Variants in FHIT observed in about 807,000 individuals in gnomAD.
FHIT encodes fragile histidine triad diadenosine triphosphatase, also known as bis(5'-adenosyl)-triphosphatase.
In FHIT, 19 loss-of-function variants were observed where a neutral mutation model predicts 17.9. That is an observed-to-expected ratio of 1.06 (90% CI 0.74 to 1.56). FHIT has a LOEUF of 1.56. Among genes scored for constraint, FHIT ranks in the 40% most tolerant of loss-of-function variants. The pLI, the probability that FHIT is intolerant of heterozygous loss-of-function variation, is 0.00. For synonymous variants in FHIT, 81 were observed against 69.7 expected (o/e 1.16, Z -0.81); for missense variants, 248 against 189.2 (o/e 1.31, Z -1.82).
intron 5 of FHIT, among the ~76,000 whole-genome samples, chr3:60,143,078 GT>G (rs1341106439): frequency 2.0e-5 from 3 of 152,104 alleles, no homozygotes; most frequent in African/African-American, 7.2e-5. Context: ...TTCAATATTC[GT>G]GAGATTAAAA....
In FHIT at chr3:60,172,855, A is replaced by C. The variant is rs1402108712; in HGVS notation, c.104-158703T>G. On this transcript the variant is annotated intron_variant, in intron 5 of 9. Coordinates refer to ENST00000492590, the MANE Select transcript of FHIT (RefSeq NM_002012.4). Reference sequence around the variant, plus strand: ...TCCAATTTACTCCATTAAAGAAACAAAACTGGATATATTCAACACATTTTC... The same window carrying C: ...TCCAATTTACTCCATTAAAGAAACACAACTGGATATATTCAACACATTTTC... 2.6e-5 allele frequency among the ~76,000 whole-genome samples: 4 copies of C among 152,140 alleles called. 1 individual carries two copies. Among genetic ancestry groups the C allele is most frequent in the Non-Finnish European group, 4.4e-5 (3 of 68,030 alleles).
chr3:60,052,350 C>A (rs1701914888), intron 5 of FHIT, among the ~76,000 whole-genome samples: 1 of 152,096 alleles, frequency 6.6e-6, no homozygotes, highest in Non-Finnish European at 1.5e-5. Flanking sequence ...TCCCTAGCCA[C>A]CAACACAGGT....
chr3:59,811,714 T>C (rs1249055017), intron 8 of FHIT, among the ~76,000 whole-genome samples: 2 of 152,192 alleles, frequency 1.3e-5, no homozygotes, highest in African/African-American at 2.4e-5. Flanking sequence ...AAACAGTCAC[T>C]GCTGCAGAGA....
chr3:59,874,800 T>C (rs944343580), intron 8 of FHIT, among the ~76,000 whole-genome samples: 12 of 152,156 alleles, frequency 7.9e-5, no homozygotes, highest in Admixed American at 2.6e-4. Flanking sequence ...TGTTTTCCCC[T>C]TTAGAGCCAC....
intron 5 of FHIT, among the ~76,000 whole-genome samples, chr3:60,371,028 C>A (rs1229230366): frequency 6.6e-6 from 1 of 152,214 alleles, no homozygotes; most frequent in East Asian, 1.9e-4. Flanking sequence ...AGAACCTAAG[C>A]CGTTTGCACA....
intron 5 of FHIT, among the ~76,000 whole-genome samples, chr3:60,100,416 A>G (rs2361336): frequency 0.68 from 102,869 of 151,978 alleles, 35,253 homozygotes; most frequent in East Asian, 0.98. Flanking sequence ...TGAAACCATT[A>G]AATTCTTCAC....
chr3:59,959,118 C>G (rs1054408000), intron 7 of FHIT, among the ~76,000 whole-genome samples: 2 of 152,168 alleles, frequency 1.3e-5, no homozygotes, highest in Non-Finnish European at 2.9e-5. Flanking sequence ...CCTCCTTGCA[C>G]GTATAATGAC....
At chr3:61,244,307 A>G (rs191193789) in intron 1 of FHIT, among the ~76,000 whole-genome samples, 170 of 152,332 alleles carry the variant, frequency 1.1e-3, no homozygotes, top group Non-Finnish European at 1.9e-3. Context: ...AGCAATCCAA[A>G]CAAATTAAAA....
At chr3:59,942,355 G>C (rs1439036359) in intron 7 of FHIT, among the ~76,000 whole-genome samples, 1 of 152,102 alleles carries the variant, frequency 6.6e-6, no homozygotes, top group Non-Finnish European at 1.5e-5. Flanking sequence ...CACTCCTGTA[G>C]TCAGATGTGA....
In FHIT at chr3:59,986,695, T is replaced by TATATATTTATATATATATATAA. The variant is rs1708947631; in HGVS notation, c.279+24675_279+24676insTTATATATATATATAAATATAT. On this transcript the variant is annotated intron_variant, in intron 7 of 9. Transcript: ENST00000492590. The stretch of plus-strand genomic sequence containing the variant: ...TAATATATTTACATATTTAGTTTTA[T>TATATATTTATATATATATATAA]ATATATTTATATAAATATATACATA... Among the ~76,000 whole-genome samples the TATATATTTATATATATATATAA allele has an allele frequency of 6.2e-4, 7 of 11,240 alleles. 2 individuals carry two copies. The highest frequency in any genetic ancestry group is 3.1e-3 in the African/African-American group (7 of 2,266). The allele number at this position is 11,240 out of a possible 152,430, so 7.4% of individuals were successfully genotyped here. A position where few individuals can be genotyped will look rare whatever the true frequency, so the allele number is the denominator to read the frequency against.
At chr3:60,867,779 G>A (rs1443635166) in intron 3 of FHIT, among the ~76,000 whole-genome samples, 1 of 152,176 alleles carries the variant, frequency 6.6e-6, no homozygotes, top group African/African-American at 2.4e-5. Context: ...GGCTCCCTCA[G>A]CCTGGGTCTA....
chr3:59,871,974 A>C (rs948355872), intron 8 of FHIT, among the ~76,000 whole-genome samples: 3 of 152,248 alleles, frequency 2.0e-5, no homozygotes, highest in Non-Finnish European at 4.4e-5. Flanking sequence ...TGGGAATTAC[A>C]GGCAAAACCA....
chr3:60,668,868 C>G (rs1297006233), intron 4 of FHIT, among the ~76,000 whole-genome samples: 1 of 152,092 alleles, frequency 6.6e-6, no homozygotes, highest in Non-Finnish European at 1.5e-5. Context: ...CTCATTCTTA[C>G]TGTCTTTCAG....
intron 7 of FHIT, among the ~76,000 whole-genome samples, chr3:60,010,840 A>G (rs17061765): frequency 0.042 from 6,348 of 152,242 alleles, 436 homozygotes; most frequent in African/African-American, 0.14. Flanking sequence ...TTTGGTATTA[A>G]GTACACAGGG....
chr3:61,153,899 T>C lies in FHIT; in HGVS notation c.-164+46718A>G, dbSNP rs140846939. 2.5e-4 allele frequency among the ~76,000 whole-genome samples: 38 copies of C among 152,322 alleles called. No homozygotes were observed. The East Asian group carries it at 7.3e-3, about 29-fold the overall frequency. On this transcript the variant is annotated intron_variant, in intron 2 of 9. Coordinates refer to ENST00000492590, the MANE Select transcript of FHIT (RefSeq NM_002012.4). ...ATTATTTTGTAAAAAATGAAATATG[T>C]AAACACATACATATCACCTTTTAAT...
chr3:60,006,664 AAAC>A (rs888886478), intron 7 of FHIT, among the ~76,000 whole-genome samples: 2 of 152,112 alleles, frequency 1.3e-5, no homozygotes, highest in Admixed American at 1.3e-4. Flanking sequence ...CAAAAAAAAA[AAAC>A]AAGGAAATTG....
At chr3:60,242,166 G>T (rs1348316017) in intron 5 of FHIT, among the ~76,000 whole-genome samples, 1 of 152,040 alleles carries the variant, frequency 6.6e-6, no homozygotes. Flanking sequence ...GTATGAATAA[G>T]AATGTATACA....
chr3:59,783,695 C>T (rs1370256044), intron 8 of FHIT, among the ~76,000 whole-genome samples: 2 of 152,154 alleles, frequency 1.3e-5, no homozygotes, highest in Non-Finnish European at 2.9e-5. Flanking sequence ...TTGGTCTCCA[C>T]CCACTTGATG....
intron 4 of FHIT, among the ~76,000 whole-genome samples, chr3:60,781,174 T>G (rs898704776): frequency 2.0e-5 from 3 of 152,202 alleles, no homozygotes; most frequent in African/African-American, 7.2e-5. Flanking sequence ...TAGCCCATTT[T>G]CAATAGTTTA....
Sources: allele counts gnomAD v4.1 joint callset (sites outside exome capture counted in the v4.1 genomes callset), GRCh38; gene constraint gnomAD v4.1.1; transcripts MANE v1.5; gene names NCBI Gene and HGNC (gene_info 2026-07-23, HGNC 2026-07-21).